The following BRSK2 variants were observed in gnomAD, a reference collection of about 807,000 sequenced individuals.
BRSK2 encodes serine/threonine-protein kinase BRSK2.
A neutral mutation model predicts 83.3 loss-of-function variants in BRSK2; 19 were observed. That is an observed-to-expected ratio of 0.23 (90% confidence interval 0.16 to 0.33). BRSK2 has a LOEUF of 0.33. Among genes scored for constraint, BRSK2 ranks in the 10% least tolerant of loss-of-function variants. BRSK2 has a pLI of 1.00. For synonymous variants in BRSK2, 519 were observed against 435.4 expected, an observed-to-expected ratio of 1.19 and a Z score of -2.39; for missense variants, 798 against 1,042.3, an observed-to-expected ratio of 0.77 and a Z score of 3.23.
At chr11:1,437,527 C>G (rs1044227649) in intron 2 of BRSK2, among the ~76,000 whole-genome samples, 3 of 152,216 alleles carry the variant, frequency 2.0e-5, no homozygotes, top group Admixed American at 2.0e-4. Flanking sequence ...CAGGTGCCCT[C>G]TGGGGTCACT....
At chr11:1,449,364 G>A (rs1310234432) in intron 12 of BRSK2, among the ~76,000 whole-genome samples, 2 of 152,226 alleles carry the variant, frequency 1.3e-5, no homozygotes, top group Non-Finnish European at 2.9e-5. Context: ...GGCCCTGTGA[G>A]AGCTCAGCCA....
chr11:1,449,909 G>A, intron 13 of BRSK2, 73 bp downstream of exon 13: 1 of 1,253,034 alleles, frequency 8.0e-7, no homozygotes, highest in South Asian at 1.3e-5. Context: ...GTGTGCCAGG[G>A]TGGGGGCAGC....
intron 1 of BRSK2, among the ~76,000 whole-genome samples, chr11:1,401,951 T>G (rs531335343): frequency 5.9e-5 from 9 of 152,314 alleles, no homozygotes; most frequent in Non-Finnish European, 1.3e-4. Flanking sequence ...GGTTCCGTGC[T>G]GAGGAGGGGC....
intron 3 of BRSK2, among the ~76,000 whole-genome samples, chr11:1,440,129 A>G (rs1851000674): frequency 6.6e-6 from 1 of 152,130 alleles, no homozygotes; most frequent in Non-Finnish European, 1.5e-5. Flanking sequence ...GCCTGGGTGG[A>G]GCGGCCCCCA....
Position 1,454,186 on chromosome 11 carries a change from T to TGTGGGGGGCTCACCA in BRSK2, c.1545-295_1545-294insGGGGCTCACCAGTGG. On this transcript the variant is annotated intron_variant, in intron 15 of 19. Coordinates refer to ENST00000528841, the MANE Select transcript of BRSK2 (RefSeq NM_001256627.2). The surrounding 1 kb of genome is among the most constrained non-coding windows in gnomAD (Gnocchi z 5.2). ...GGGGCTCACCTGTGGGGGGCTCACC[T>TGTGGGGGGCTCACCA]GTGGAGGGGCATCCCCAGACTTGGG... is the stretch of plus-strand genomic sequence containing the variant. 1 of 283,596 alleles carries TGTGGGGGGCTCACCA rather than the reference T, an allele frequency of 3.5e-6. No homozygotes were observed. The highest frequency in any genetic ancestry group is 6.9e-6 in the Non-Finnish European group (1 of 145,558). 17.6% of individuals were successfully genotyped at this position (283,596 alleles called of 1,614,324 possible).
intron 1 of BRSK2, chr11:1,410,428 G>A: frequency 3.0e-6 from 3 of 985,392 alleles, no homozygotes; most frequent in Non-Finnish European, 3.6e-6. Context: ...AGCGGTGACA[G>A]TTGCAGAGTC....
intron 1 of BRSK2, among the ~76,000 whole-genome samples, chr11:1,412,825 A>G (rs1847674794): frequency 6.6e-6 from 1 of 152,084 alleles, no homozygotes; most frequent in Admixed American, 6.5e-5. Context: ...CTGGCCGCAC[A>G]CAGCAACCCC....
chr11:1,399,114 C>T (rs987000671), intron 1 of BRSK2, among the ~76,000 whole-genome samples: 42 of 152,218 alleles, frequency 2.8e-4, no homozygotes, highest in African/African-American at 9.9e-4. Flanking sequence ...AGCCCCGCCC[C>T]AGGCCAGAGC....
chr11:1,443,425 C>T, intron 7 of BRSK2, 22 bp downstream of exon 7: 1 of 1,590,224 alleles, frequency 6.3e-7, no homozygotes, highest in Non-Finnish European at 8.6e-7. Context: ...GCCCCCTCAA[C>T]CCTGCCCTGG....
intron 1 of BRSK2, among the ~76,000 whole-genome samples, chr11:1,397,420 C>T (rs1846198821): frequency 6.6e-6 from 1 of 152,232 alleles, no homozygotes; most frequent in Non-Finnish European, 1.5e-5. Flanking sequence ...AGCTGGGAGC[C>T]AGGCCCCACC....
intron 1 of BRSK2, among the ~76,000 whole-genome samples, chr11:1,424,852 AC>A (rs1246287660): frequency 6.6e-6 from 1 of 151,552 alleles, no homozygotes; most frequent in Non-Finnish European, 1.5e-5. Context: ...GTGGAGCAGG[AC>A]CCCCTGGCCT....
rs1228634888 is a variant in BRSK2, at chr11:1,461,671, C to A, written c.*948C>A. On this transcript the variant is annotated 3_prime_UTR_variant, in exon 20 of 20. Transcript: ENST00000528841. Reference sequence around the variant, plus strand: ...GCCAGGGCGCCCTCTGAGGACAGAGCTGGTGGGGCGCGGGGGGGCTGGCGA... The same window carrying A: ...GCCAGGGCGCCCTCTGAGGACAGAGATGGTGGGGCGCGGGGGGGCTGGCGA... 1 of 151,856 alleles carries A rather than the reference C, an allele frequency of 6.6e-6. No homozygotes were observed. Among genetic ancestry groups the A allele is most frequent in the Admixed American group, 6.6e-5 (1 of 15,246 alleles). 9.4% of individuals were successfully genotyped at this position (151,856 alleles called of 1,614,324 possible).
At chr11:1,437,778 C>A (rs925981856) in intron 2 of BRSK2, among the ~76,000 whole-genome samples, 1 of 152,228 alleles carries the variant, frequency 6.6e-6, no homozygotes, top group Non-Finnish European at 1.5e-5. Flanking sequence ...CTGCATCCGA[C>A]TGGCTGGGAG....
Position 1,460,480 on chromosome 11 carries a change from TCTC to T in BRSK2, c.1988-19_1988-17del. 2.4e-6 allele frequency: 3 copies of T among 1,269,638 alleles called. No individual in the cohort carries two copies. Among genetic ancestry groups the T allele is most frequent in the South Asian group, 1.7e-5 (1 of 59,422 alleles). 78.6% of individuals were successfully genotyped at this position (1,269,638 alleles called of 1,614,324 possible). A position where few individuals can be genotyped will look rare whatever the true frequency, so the allele number is the denominator to read the frequency against. On this transcript the variant is annotated splice_polypyrimidine_tract_variant and intron_variant, in intron 19 of 19. Coordinates refer to ENST00000528841, the MANE Select transcript of BRSK2 (RefSeq NM_001256627.2). ...TTTTTCCTTTTTTTTTTTTTTTTTG[TCTC>T]TGTTCTGTGTACCCAGGCAGCCCAT...
At chr11:1,400,236 C>G (rs904505284) in intron 1 of BRSK2, among the ~76,000 whole-genome samples, 1 of 152,164 alleles carries the variant, frequency 6.6e-6, no homozygotes, top group Non-Finnish European at 1.5e-5. Flanking sequence ...TGGACTCAGT[C>G]TCCCGCCCCC....
intron 1 of BRSK2, among the ~76,000 whole-genome samples, chr11:1,428,956 T>C (rs1475626438): frequency 2.0e-5 from 3 of 147,268 alleles, no homozygotes; most frequent in Non-Finnish European, 4.5e-5. Flanking sequence ...TGTGCACGGG[T>C]GTGTGCCCTT....
At position 1,423,242 on chromosome 11, in the gene BRSK2, C is replaced by T. The variant is rs886223082; in HGVS notation, c.92-12798C>T. On this transcript the variant is annotated intron_variant, in intron 1 of 19. Transcript: ENST00000528841. This position sits in a 1 kb window ranked among gnomAD's most constrained non-coding sequence, Gnocchi z 6.5. ...GTGGTGGAGACGGTGGGGTCGTGGC[C>T]GTCCAGGCTTCAGAAACGGCAGAAC... Among the ~76,000 whole-genome samples, 11 of 152,106 alleles carry T rather than the reference C, an allele frequency of 7.2e-5. No homozygotes were observed. Among genetic ancestry groups the T allele is most frequent in the Admixed American group, 5.9e-4 (9 of 15,272 alleles).
chr11:1,446,005 C>T (rs1301802806), intron 12 of BRSK2, 98 bp downstream of exon 12: 6 of 1,430,604 alleles, frequency 4.2e-6, no homozygotes, highest in Non-Finnish European at 5.5e-6. Context: ...GGGGTCTCGG[C>T]TGAGGCCATT....
intron 3 of BRSK2, among the ~76,000 whole-genome samples, chr11:1,440,001 G>A (rs973962861): frequency 7.9e-5 from 12 of 152,164 alleles, no homozygotes; most frequent in Admixed American, 5.9e-4. Context: ...ATCCCAGTCC[G>A]CACGGCAGCT....
Sources: gnomAD v4.1 joint callset for allele counts (sites outside exome capture counted in the v4.1 genomes callset) on GRCh38, gnomAD v4.1.1 for gene constraint, Gnocchi (gnomAD v3.1) non-coding constraint, MANE v1.5 for transcripts, NCBI Gene and HGNC (gene_info 2026-07-23, HGNC 2026-07-21) for gene names.